Variants in SGCD observed in about 807,000 individuals in gnomAD.
SGCD encodes the protein delta-sarcoglycan.
SGCD carries 18 observed loss-of-function variants against 36.6 expected under a neutral mutation model. The ratio of observed to expected loss-of-function variants is 0.49; its 90% CI spans 0.34 to 0.73. The LOEUF is 0.73. SGCD is among the 30% of genes least tolerant of loss of function. The pLI, the probability that SGCD is intolerant of heterozygous loss-of-function variation, is 0.01. For missense variants in SGCD, 387 were observed against 346.7 expected (o/e 1.12, Z -0.92); for synonymous variants, 133 against 130.6 (o/e 1.02, Z -0.12).
intron 4 of SGCD, among the ~76,000 whole-genome samples, chr5:156,511,637 A>T (rs1040444362): frequency 4.6e-5 from 7 of 152,166 alleles, no homozygotes; most frequent in Admixed American, 2.6e-4. Flanking sequence ...TCCTTCACCC[A>T]ATCAGTCCAT....
At chr5:156,381,723 A>G (rs1466138106) in intron 3 of SGCD, among the ~76,000 whole-genome samples, 1 of 152,190 alleles carries the variant, frequency 6.6e-6, no homozygotes, top group Non-Finnish European at 1.5e-5. Flanking sequence ...GTGATCTTTA[A>G]AGGGTTTGGT....
intron 7 of SGCD, among the ~76,000 whole-genome samples, chr5:156,680,298 G>A (rs554762624): frequency 2.6e-5 from 4 of 152,104 alleles, no homozygotes; most frequent in African/African-American, 9.6e-5. Context: ...GGTACTTTCT[G>A]GTATTTGACT....
At chr5:156,015,582 T>A (rs1758954507) in intron 1 of SGCD, among the ~76,000 whole-genome samples, 2 of 151,914 alleles carry the variant, frequency 1.3e-5, no homozygotes, top group Non-Finnish European at 2.9e-5. Context: ...AGAAAAAGGG[T>A]GCATATATAC....
the SGCD span, among the ~76,000 whole-genome samples, chr5:155,792,179 G>T: frequency 6.6e-6 from 1 of 152,118 alleles, no homozygotes; most frequent in African/African-American, 2.4e-5. Context: ...AATAAATGGT[G>T]CTGGGGTAAC....
chr5:156,497,056 C>T (rs1294742447), intron 3 of SGCD, among the ~76,000 whole-genome samples: 2 of 152,096 alleles, frequency 1.3e-5, no homozygotes, highest in African/African-American at 4.8e-5. Flanking sequence ...CCTTAGAAAG[C>T]GTACCAGGAA....
At chr5:156,207,320 T>G (rs908393258) in intron 3 of SGCD, among the ~76,000 whole-genome samples, 5 of 152,152 alleles carry the variant, frequency 3.3e-5, no homozygotes, top group Non-Finnish European at 4.4e-5. Flanking sequence ...TTCATGTTTT[T>G]GGGGGCCCAG....
intron 7 of SGCD, among the ~76,000 whole-genome samples, chr5:156,721,901 AGACTGTCACATCT>A (rs1334644625): frequency 6.6e-6 from 1 of 152,192 alleles, no homozygotes; most frequent in Non-Finnish European, 1.5e-5. Context: ...AAGAAAAGGA[AGACTGTCACATCT>A]ATATCACCTT....
rs151226987 is a variant in SGCD, at chr5:155,877,384, T to A, written c.-282+6960T>A. Reference sequence around the variant, plus strand: ...ATAGGATTTGGATGTTAGTTTGAAGTTTAAGATAAAGTTCTTCCTTCTTGC... The same window carrying A: ...ATAGGATTTGGATGTTAGTTTGAAGATTAAGATAAAGTTCTTCCTTCTTGC... On this transcript the variant is annotated intron_variant, in intron 1 of 9. Transcript: ENST00000517913. 3.2e-4 allele frequency among the ~76,000 whole-genome samples: 48 copies of A among 152,246 alleles called. No individual in the cohort carries two copies. In the East Asian group the frequency reaches 9.3e-3, roughly 29 times the overall value.
the SGCD span, among the ~76,000 whole-genome samples, chr5:155,836,472 C>G: frequency 9.0e-6 from 1 of 111,062 alleles, no homozygotes; most frequent in Non-Finnish European, 1.8e-5. Context: ...TGATACCCAC[C>G]CCCGCCCCGC....
chr5:156,473,374 C>T (rs1423910576), intron 3 of SGCD, among the ~76,000 whole-genome samples: 1 of 152,214 alleles, frequency 6.6e-6, no homozygotes, highest in Admixed American at 6.5e-5. Flanking sequence ...ACCTAACTTA[C>T]CAAACAGCAT....
At chr5:156,721,619 C>A (rs157679) in intron 7 of SGCD, among the ~76,000 whole-genome samples, 20 of 152,208 alleles carry the variant, frequency 1.3e-4, no homozygotes, top group African/African-American at 4.6e-4. Context: ...TCTAATGGAG[C>A]ACATCTGCAT....
rs1015829872 is a variant in SGCD, at chr5:156,195,843, C to T, written c.-44+71824C>T. The stretch of plus-strand genomic sequence containing the variant: ...ATTTTGTCTTTGCTTATTAGCCTAT[C>T]AACTGTAGCTCATCAAGGGCCCTAC... On this transcript the variant is annotated intron_variant, in intron 3 of 9. Coordinates refer to the SGCD transcript ENST00000517913. Among the ~76,000 whole-genome samples, 9 of 152,152 alleles carry T rather than the reference C, an allele frequency of 5.9e-5. No homozygotes were observed. In the South Asian group the frequency reaches 1.0e-3, roughly 18 times the overall value.
chr5:156,032,619 G>A (rs984231383), intron 1 of SGCD, among the ~76,000 whole-genome samples: 1 of 148,476 alleles, frequency 6.7e-6, no homozygotes, highest in African/African-American at 2.5e-5. Context: ...TAGGGAGGCT[G>A]GGGCAGGAGA....
chr5:156,086,736 G>T (rs965570019), intron 1 of SGCD, among the ~76,000 whole-genome samples: 1 of 152,184 alleles, frequency 6.6e-6, no homozygotes, highest in African/African-American at 2.4e-5. Flanking sequence ...GTGCAAGGGG[G>T]TACCTGGTGG....
At chr5:155,966,241 T>C (rs1757901493) in intron 1 of SGCD, among the ~76,000 whole-genome samples, 1 of 152,136 alleles carries the variant, frequency 6.6e-6, no homozygotes, top group Non-Finnish European at 1.5e-5. Flanking sequence ...TTCAGCATTC[T>C]GAATGTCAAC....
chr5:156,034,736 G>C (rs925085475), intron 1 of SGCD, among the ~76,000 whole-genome samples: 6 of 152,174 alleles, frequency 3.9e-5, no homozygotes, highest in African/African-American at 1.4e-4. Flanking sequence ...TTAAGAAACT[G>C]TTCAAGATGT....
intron 4 of SGCD, among the ~76,000 whole-genome samples, chr5:156,584,315 AC>A (rs1339093860): frequency 6.6e-6 from 1 of 152,098 alleles, no homozygotes; most frequent in African/African-American, 2.4e-5. Flanking sequence ...ATCTCATTTC[AC>A]CTTCTACTTT....
At chr5:155,784,636 G>C in the SGCD span, among the ~76,000 whole-genome samples, 2 of 89,530 alleles carry the variant, frequency 2.2e-5, no homozygotes, top group South Asian at 4.3e-4. Context: ...GGATGTAAGA[G>C]CTCCTTTTTT....
At chr5:156,324,952 G>T (rs1322698183), upstream of SGCD, among the ~76,000 whole-genome samples, 2 of 152,040 alleles carry the variant, frequency 1.3e-5, no homozygotes, top group Non-Finnish European at 2.9e-5. Flanking sequence ...TGTTAATTTA[G>T]GACGTTGCCA....
Sources: allele counts gnomAD v4.1 joint callset (sites outside exome capture counted in the v4.1 genomes callset), GRCh38; gene constraint gnomAD v4.1.1; transcripts MANE v1.5; gene names NCBI Gene and HGNC (gene_info 2026-07-23, HGNC 2026-07-21).